PFKFB4: variants seen among roughly 807,000 people sequenced by gnomAD.
PFKFB4 encodes 6-phosphofructo-2-kinase/fructose-2,6-bisphosphatase 4.
PFKFB4 carries 42 observed loss-of-function variants against 62.8 expected under a neutral mutation model. The ratio of observed to expected loss-of-function variants is 0.67; its 90% CI spans 0.52 to 0.86. The LOEUF (loss-of-function observed/expected upper bound fraction) is 0.86. Ranked by LOEUF, PFKFB4 falls within the 40% of genes least tolerant of loss-of-function variation. The pLI is 0.00. For synonymous variants in PFKFB4, 204 were observed against 240.7 expected (o/e 0.85, Z 1.41); for missense variants, 475 against 627.2 (o/e 0.76, Z 2.59).
intron 3 of PFKFB4, among the ~76,000 whole-genome samples, chr3:48,546,569 G>C (rs2042971707): frequency 6.6e-6 from 1 of 152,198 alleles, no homozygotes; most frequent in Non-Finnish European, 1.5e-5. Context: ...GTGTGTGGAA[G>C]AGTTAACACA....
chr3:48,521,960 T>TA lies in PFKFB4; in HGVS notation c.1350+25dup. On this transcript the variant is annotated intron_variant, in intron 13 of 13. Transcript: ENST00000232375. The surrounding 1 kb of genome is among the most constrained non-coding windows in gnomAD (Gnocchi z 5.3). ...CACCCCCACATCAGGAACACCCCGC[T>TA]ACCCCAGCAGTGACCCCATTGCTAC... 6.2e-7 allele frequency: 1 copy of TA among 1,605,596 alleles called. No homozygotes were observed. The highest frequency in any genetic ancestry group is 1.7e-4 in the Middle Eastern group (1 of 6,046).
intron 9 of PFKFB4, among the ~76,000 whole-genome samples, chr3:48,527,258 C>CTT (rs71074257): frequency 3.3e-4 from 45 of 137,714 alleles, no homozygotes; most frequent in African/African-American, 9.1e-4. Flanking sequence ...TAAACTAATA[C>CTT]TTTTTTTTTT....
At chr3:48,532,696 A>T (rs1417494563) in intron 9 of PFKFB4, among the ~76,000 whole-genome samples, 1 of 152,156 alleles carries the variant, frequency 6.6e-6, no homozygotes, top group Non-Finnish European at 1.5e-5. Context: ...TACAAAAAAT[A>T]AAAAAATTAT....
At chr3:48,532,994 A>G (rs1297033125) in intron 9 of PFKFB4, among the ~76,000 whole-genome samples, 1 of 152,188 alleles carries the variant, frequency 6.6e-6, no homozygotes. Flanking sequence ...AAAGACAGAA[A>G]GTGGTTGCCA....
intron 7 of PFKFB4, among the ~76,000 whole-genome samples, chr3:48,536,980 G>C (rs2042641049): frequency 6.6e-6 from 1 of 152,200 alleles, no homozygotes; most frequent in South Asian, 2.1e-4. Flanking sequence ...GGTCATCCAA[G>C]TGTGCTGAGC....
At chr3:48,544,978 C>T (rs1328796291) in intron 3 of PFKFB4, among the ~76,000 whole-genome samples, 2 of 152,288 alleles carry the variant, frequency 1.3e-5, no homozygotes, top group East Asian at 1.9e-4. Flanking sequence ...CCCACTTTGG[C>T]CTCCCAAAGT....
At chr3:48,526,232 G>T (rs1447556425) in intron 9 of PFKFB4, among the ~76,000 whole-genome samples, 1 of 150,214 alleles carries the variant, frequency 6.7e-6, no homozygotes, top group Non-Finnish European at 1.5e-5. Context: ...CTCCAGCCTG[G>T]GCAACAGAGA....
intron 1 of PFKFB4, among the ~76,000 whole-genome samples, chr3:48,553,727 T>C (rs917823088): frequency 2.0e-5 from 3 of 152,218 alleles, no homozygotes; most frequent in African/African-American, 7.2e-5. Context: ...GAACTGCAAC[T>C]GCTCTCACCT....
At chr3:48,525,754 G>A in intron 9 of PFKFB4, 85 bp from the exon 10 acceptor site, 1 of 599,902 alleles carries the variant, frequency 1.7e-6, no homozygotes, top group Admixed American at 3.3e-5. Flanking sequence ...GCATCAAGCA[G>A]AAGAGACCAA....
At chr3:48,527,766 C>A (rs1370605222) in intron 9 of PFKFB4, among the ~76,000 whole-genome samples, 1 of 150,576 alleles carries the variant, frequency 6.6e-6, no homozygotes, top group Non-Finnish European at 1.5e-5. Flanking sequence ...CAGCTCACTG[C>A]AACCTCTGCC....
At chr3:48,520,376 G>A (rs2042060274) in intron 13 of PFKFB4, among the ~76,000 whole-genome samples, 4 of 152,124 alleles carry the variant, frequency 2.6e-5, no homozygotes, top group Admixed American at 2.6e-4. Context: ...TCGGGCTCAG[G>A]GAGTCTCAGG....
upstream of PFKFB4, chr3:48,561,188 A>T: frequency 1.3e-6 from 1 of 794,710 alleles, no homozygotes; most frequent in Non-Finnish European, 1.7e-6. This position sits in a 1 kb window ranked among gnomAD's most constrained non-coding sequence, Gnocchi z 5.2. Context: ...AGCACTCTGA[A>T]GAGAGAGAAG....
At chr3:48,552,438 G>A (rs951245712) in intron 1 of PFKFB4, among the ~76,000 whole-genome samples, 1 of 152,262 alleles carries the variant, frequency 6.6e-6, no homozygotes, top group African/African-American at 2.4e-5. Context: ...AGCCTCAGGG[G>A]CGGGAAGGAG....
chr3:48,558,238 G>A (rs368248609), upstream of PFKFB4, among the ~76,000 whole-genome samples: 25 of 152,174 alleles, frequency 1.6e-4, no homozygotes, highest in African/African-American at 5.5e-4. Context: ...GACTCCTGCA[G>A]TTTCCCGCCT....
At chr3:48,539,470 G>A in intron 5 of PFKFB4, 160 bp from the exon 6 acceptor site, 1 of 737,308 alleles carries the variant, frequency 1.4e-6, no homozygotes, top group Non-Finnish European at 2.4e-6. Context: ...GCGGGGTCAA[G>A]GAGTCCAGAG....
At chr3:48,559,776 C>G, upstream of PFKFB4, 1 of 356,730 alleles carries the variant, frequency 2.8e-6, no homozygotes, top group Non-Finnish European at 5.6e-6. Context: ...TCTGCACTGA[C>G]CACTGGACTT....
upstream of PFKFB4, chr3:48,559,470 G>A (rs1158444060): frequency 6.6e-6 from 3 of 455,978 alleles, no homozygotes; most frequent in Non-Finnish European, 1.3e-5. Context: ...GACCTTGCCT[G>A]CCACACTACA....
At chr3:48,557,089 A>C, upstream of PFKFB4, 1 of 739,752 alleles carries the variant, frequency 1.4e-6, no homozygotes, top group Non-Finnish European at 1.9e-6. Context: ...CAAGGCCCGG[A>C]TTGTGCAGGC....
intron 4 of PFKFB4, among the ~76,000 whole-genome samples, chr3:48,542,197 A>T (rs2042821027): frequency 6.6e-6 from 1 of 151,480 alleles, no homozygotes; most frequent in South Asian, 2.1e-4. Context: ...AGCCGGGCAC[A>T]GTGGCGGGGG....
Sources: allele counts gnomAD v4.1 joint callset (sites outside exome capture counted in the v4.1 genomes callset), GRCh38; gene constraint gnomAD v4.1.1; non-coding constraint Gnocchi (gnomAD v3.1); transcripts MANE v1.5; gene names NCBI Gene and HGNC (gene_info 2026-07-23, HGNC 2026-07-21).